The following SCN10A variants were observed in gnomAD, a reference collection of about 807,000 sequenced individuals.
SCN10A encodes sodium voltage-gated channel alpha subunit 10.
SCN10A carries 162 observed loss-of-function variants against 170.7 expected under a neutral mutation model. The observed-to-expected ratio is 0.95, with a 90% CI of 0.84 to 1.08. The LOEUF is 1.08. SCN10A is among the 50% of genes least tolerant of loss of function. The pLI is 0.00. For missense variants in SCN10A, 2,527 were observed against 2,436.9 expected (o/e 1.04, Z -0.78); for synonymous variants, 985 against 904.6 (o/e 1.09, Z -1.59).
intron 8 of SCN10A, among the ~76,000 whole-genome samples, chr3:38,758,737 C>G (rs550453096): frequency 6.6e-6 from 1 of 152,072 alleles, no homozygotes; most frequent in African/African-American, 2.4e-5. Flanking sequence ...CTGAGCTGGC[C>G]TCTCTCTGCC....
chr3:38,724,170 G>T (rs1191863725), intron 18 of SCN10A, among the ~76,000 whole-genome samples: 1 of 152,192 alleles, frequency 6.6e-6, no homozygotes, highest in Non-Finnish European at 1.5e-5. Flanking sequence ...AGCGGCTTCT[G>T]TTCACCCACA....
rs2063281939 is a variant in SCN10A at position 38,712,218 on chromosome 3, G to A, written c.4032C>T (p.Val1344=). 6.2e-7 allele frequency: 1 copy of A among 1,614,060 alleles called. No individual in the cohort carries two copies. Among genetic ancestry groups the A allele is most frequent in the African/African-American group, 1.3e-5 (1 of 74,918 alleles). ...IQNSTGSFFW[V]NVKVNFDNVA... Reference sequence around the variant, plus strand: ...CATTATCAAAGTTGACTTTCACATTGACCCAGAAGAAGCTGCCAGTGGAGT... The same window carrying A: ...CATTATCAAAGTTGACTTTCACATTAACCCAGAAGAAGCTGCCAGTGGAGT... The change falls in exon 23 of 28, where the codon GTC becomes GTT. Residue 1344 remains valine, a synonymous_variant. Transcript: ENST00000449082.
At chr3:38,748,010 T>C (rs1211362130) in intron 13 of SCN10A, among the ~76,000 whole-genome samples, 1 of 152,080 alleles carries the variant, frequency 6.6e-6, no homozygotes, top group Non-Finnish European at 1.5e-5. Flanking sequence ...CCTGAAGCAA[T>C]GCCACACACA....
At chr3:38,716,361 T>C (rs1040109744) in intron 21 of SCN10A, among the ~76,000 whole-genome samples, 2 of 152,174 alleles carry the variant, frequency 1.3e-5, no homozygotes, top group African/African-American at 4.8e-5. Flanking sequence ...TTTCCCATGC[T>C]GTTCTCATGA....
chr3:38,709,636 G>T (rs780751943), intron 24 of SCN10A, 21 bp from the exon 25 acceptor site: 6 of 1,568,170 alleles, frequency 3.8e-6, no homozygotes, highest in East Asian at 2.3e-5. Context: ...ACAAGGGAGA[G>T]TGGGAAGGAG....
At chr3:38,734,534 T>C (rs1460815749) in intron 15 of SCN10A, among the ~76,000 whole-genome samples, 1 of 152,236 alleles carries the variant, frequency 6.6e-6, no homozygotes, top group Non-Finnish European at 1.5e-5. Flanking sequence ...AAAGTTGATT[T>C]AACATTAGAA....
chr3:38,739,611 C>T lies in SCN10A; in HGVS notation c.2184G>A (p.Lys728=), dbSNP rs1158976456. 1 of 1,614,164 alleles carries T rather than the reference C, an allele frequency of 6.2e-7. No individual in the cohort carries two copies. Among genetic ancestry groups the T allele is most frequent in the South Asian group, 1.1e-5 (1 of 91,082 alleles). ...AFDPYYYFQK[K]WNIFDCIIVT... is the part of the protein sequence containing the mutation. Reference sequence around the variant, plus strand: ...CGATGATGCAGTCAAAGATATTCCACTTCTTCTGGAAATAATAGTATGGGT... The same window carrying T: ...CGATGATGCAGTCAAAGATATTCCATTTCTTCTGGAAATAATAGTATGGGT... Residue 728 remains lysine (K), a synonymous_variant, in exon 15 of 28, where the codon AAG becomes AAA. Transcript: ENST00000449082.
At chr3:38,784,815 A>G (rs1488017741) in intron 4 of SCN10A, among the ~76,000 whole-genome samples, 1 of 152,174 alleles carries the variant, frequency 6.6e-6, no homozygotes, top group Non-Finnish European at 1.5e-5. Context: ...TGCAAAAATC[A>G]CAAGCATTCC....
intron 20 of SCN10A, among the ~76,000 whole-genome samples, chr3:38,720,608 G>T (rs1275407093): frequency 6.6e-6 from 1 of 152,186 alleles, no homozygotes; most frequent in Non-Finnish European, 1.5e-5. Context: ...TCAGTCCCAG[G>T]GGAAGGAGAT....
intron 4 of SCN10A, among the ~76,000 whole-genome samples, chr3:38,787,935 T>C (rs1285910157): frequency 6.6e-6 from 1 of 151,614 alleles, no homozygotes; most frequent in Non-Finnish European, 1.5e-5. Context: ...TCTGTTCTTG[T>C]GTTAGTTTGC....
chr3:38,708,041 A>G (rs1472057489), intron 25 of SCN10A, among the ~76,000 whole-genome samples: 1 of 152,054 alleles, frequency 6.6e-6, no homozygotes, highest in Non-Finnish European at 1.5e-5. Flanking sequence ...TCAAACTCTC[A>G]CCTTTAGCTT....
At chr3:38,727,503 G>A (rs927702045) in intron 16 of SCN10A, among the ~76,000 whole-genome samples, 8 of 152,232 alleles carry the variant, frequency 5.3e-5, no homozygotes, top group Admixed American at 6.5e-5. Context: ...AGTGCTCAGA[G>A]GGGTAAACTT....
intron 10 of SCN10A, 106 bp downstream of exon 10, chr3:38,756,568 C>T (rs2063807224): frequency 3.4e-6 from 3 of 878,014 alleles, no homozygotes; most frequent in Non-Finnish European, 5.5e-6. Flanking sequence ...GATGATTCCT[C>T]CTATAGCTCC....
intron 15 of SCN10A, among the ~76,000 whole-genome samples, chr3:38,737,798 CTCTT>C (rs1166425687): frequency 0.072 from 6,746 of 93,538 alleles, 268 homozygotes; most frequent in Non-Finnish European, 0.091. Flanking sequence ...CCCTCCCTTC[CTCTT>C]TCTTTCTTTC....
At chr3:38,699,939 A>G (rs1239288839) in intron 27 of SCN10A, among the ~76,000 whole-genome samples, 1 of 152,188 alleles carries the variant, frequency 6.6e-6, no homozygotes, top group Non-Finnish European at 1.5e-5. Context: ...TTCCTGCCCC[A>G]GCGGATGGTG....
intron 1 of SCN10A, among the ~76,000 whole-genome samples, chr3:38,812,060 TG>T (rs1270580457): frequency 6.6e-6 from 1 of 152,240 alleles, no homozygotes; most frequent in African/African-American, 2.4e-5. Context: ...GCTGGCAGCC[TG>T]AGTGCTGCTG....
intron 6 of SCN10A, 52 bp downstream of exon 6, chr3:38,763,453 G>C: frequency 1.5e-6 from 2 of 1,364,768 alleles, no homozygotes; most frequent in South Asian, 1.2e-5. Flanking sequence ...GAAAATTAGA[G>C]AAGGGAGTTA....
intron 4 of SCN10A, among the ~76,000 whole-genome samples, chr3:38,786,778 G>A (rs147961692): frequency 8.9e-4 from 136 of 152,100 alleles, no homozygotes; most frequent in Non-Finnish European, 1.2e-3. Context: ...TTTGAAGACC[G>A]CCTTTTCCCT....
Position 38,793,385 on chromosome 3 carries a change from C to G in SCN10A, c.270+356G>C, listed in dbSNP as rs894539712. On this transcript the variant is annotated intron_variant, in intron 2 of 27. Transcript: ENST00000449082. Reference sequence around the variant, plus strand: ...TTCATCCTGCTTTCTGTCCTCACCGCCATGCTCCTCCCCCAACCTCAAGAT... The same window carrying G: ...TTCATCCTGCTTTCTGTCCTCACCGGCATGCTCCTCCCCCAACCTCAAGAT... Among the ~76,000 whole-genome samples the G allele has an allele frequency of 7.2e-5, 11 of 152,258 alleles. No homozygotes were observed. The East Asian group carries it at 1.7e-3, about 24-fold the overall frequency.
Sources: gnomAD v4.1 joint callset for allele counts (sites outside exome capture counted in the v4.1 genomes callset) on GRCh38, gnomAD v4.1.1 for gene constraint, MANE v1.5 for transcripts, NCBI Gene and HGNC (gene_info 2026-07-23, HGNC 2026-07-21) for gene names.